The following NEGR1 variants were observed in gnomAD, a reference collection of about 807,000 sequenced individuals.
NEGR1 encodes the protein neuronal growth regulator 1.
In NEGR1, 10 loss-of-function variants were observed where a neutral mutation model predicts 40.9. The ratio of observed to expected loss-of-function variants is 0.24; its 90% confidence interval spans 0.15 to 0.42. The LOEUF is 0.42. NEGR1 is among the 10% of genes least tolerant of loss of function. The pLI is 1.00. For missense variants in NEGR1, 352 were observed against 438.9 expected (o/e 0.80, Z 1.77); for synonymous variants, 185 against 166.8 (o/e 1.11, Z -0.84).
At chr1:71,640,568 A>G (rs1651315753) in intron 4 of NEGR1, among the ~76,000 whole-genome samples, 1 of 152,038 alleles carries the variant, frequency 6.6e-6, no homozygotes, top group Admixed American at 6.6e-5. Flanking sequence ...GTGCTCACAA[A>G]TCTAAATCTC....
In NEGR1 at chr1:72,171,214, A is replaced by C. The variant is rs569361020; in HGVS notation, c.176+111105T>G. On this transcript the variant is annotated intron_variant, in intron 1 of 6. Coordinates refer to ENST00000357731, the MANE Select transcript of NEGR1 (RefSeq NM_173808.3). ...GGAAGAATCAAAAATTAAAAGAACA[A>C]ACAGCCATCCAATACAAACAATCTA... Among the ~76,000 whole-genome samples the C allele has an allele frequency of 2.0e-5, 3 of 152,280 alleles. No homozygotes were observed. In the South Asian group the frequency reaches 6.2e-4, roughly 32 times the overall value.
intron 3 of NEGR1, among the ~76,000 whole-genome samples, chr1:71,718,599 AT>A (rs985721412): frequency 2.6e-5 from 4 of 152,150 alleles, no homozygotes; most frequent in Admixed American, 2.6e-4. Flanking sequence ...TATTGATTTC[AT>A]TTTTTTAACA....
chr1:71,945,518 G>A (rs1348705283), intron 1 of NEGR1, among the ~76,000 whole-genome samples: 1 of 152,084 alleles, frequency 6.6e-6, no homozygotes, highest in Non-Finnish European at 1.5e-5. Flanking sequence ...CACAGAGCTG[G>A]TTCACAGAAC....
chr1:72,059,956 C>T (rs1647150786), intron 1 of NEGR1, among the ~76,000 whole-genome samples: 1 of 151,538 alleles, frequency 6.6e-6, no homozygotes, highest in African/African-American at 2.4e-5. Context: ...ACCAAATGCC[C>T]CTCCATGACA....
At chr1:71,933,493 A>G (rs1645874471) in intron 2 of NEGR1, among the ~76,000 whole-genome samples, 1 of 152,072 alleles carries the variant, frequency 6.6e-6, no homozygotes, top group South Asian at 2.1e-4. Context: ...CTTTTTTCAC[A>G]TAATGAAAAT....
chr1:71,805,099 G>A (rs1395317882), intron 2 of NEGR1, among the ~76,000 whole-genome samples: 3 of 152,082 alleles, frequency 2.0e-5, no homozygotes, highest in African/African-American at 7.2e-5. Flanking sequence ...AGGCTTATTA[G>A]GATGAGGAAA....
At chr1:71,787,940 G>T (rs1477263530) in intron 2 of NEGR1, among the ~76,000 whole-genome samples, 4 of 152,044 alleles carry the variant, frequency 2.6e-5, no homozygotes, top group African/African-American at 9.7e-5. Flanking sequence ...CTAATGTGTG[G>T]TTTCTCACCT....
chr1:71,663,908 C>T (rs1168570835), intron 4 of NEGR1, among the ~76,000 whole-genome samples: 1 of 152,152 alleles, frequency 6.6e-6, no homozygotes, highest in Non-Finnish European at 1.5e-5. Context: ...GTAGCTGTCT[C>T]TATTGAGAGT....
At chr1:72,112,412 T>C (rs1045785149) in intron 1 of NEGR1, among the ~76,000 whole-genome samples, 2 of 151,918 alleles carry the variant, frequency 1.3e-5, no homozygotes, top group Non-Finnish European at 2.9e-5. Context: ...CCATAATATA[T>C]CCATTGTTTT....
intron 1 of NEGR1, among the ~76,000 whole-genome samples, chr1:72,274,315 G>A (rs1234152366): frequency 6.6e-6 from 1 of 151,952 alleles, no homozygotes; most frequent in Non-Finnish European, 1.5e-5. Context: ...GGCTATTTGG[G>A]CCCTGCCATA....
intron 6 of NEGR1, among the ~76,000 whole-genome samples, chr1:71,550,697 TC>T (rs1264431212): frequency 6.6e-6 from 1 of 151,592 alleles, no homozygotes; most frequent in Non-Finnish European, 1.5e-5. Flanking sequence ...ACATCCACAT[TC>T]TGTTCCTTAT....
At chr1:71,578,910 A>G (rs1649043033) in intron 6 of NEGR1, among the ~76,000 whole-genome samples, 1 of 152,158 alleles carries the variant, frequency 6.6e-6, no homozygotes, top group South Asian at 2.1e-4. Context: ...AGGAGAAGAT[A>G]AATAAGTACA....
At chr1:71,826,631 T>C (rs1384383094) in intron 2 of NEGR1, among the ~76,000 whole-genome samples, 1 of 151,896 alleles carries the variant, frequency 6.6e-6, no homozygotes, top group Non-Finnish European at 1.5e-5. Flanking sequence ...TCTTCCCCTT[T>C]TTTTCTGTGT....
At chr1:71,417,337 C>T (rs1646362986) in intron 6 of NEGR1, among the ~76,000 whole-genome samples, 1 of 151,754 alleles carries the variant, frequency 6.6e-6, no homozygotes, top group Admixed American at 6.6e-5. Flanking sequence ...GTTTAAATTT[C>T]TGCATTGGGA....
intron 2 of NEGR1, among the ~76,000 whole-genome samples, chr1:71,779,988 G>A (rs1394198682): frequency 7.4e-6 from 1 of 135,442 alleles, no homozygotes; most frequent in Non-Finnish European, 1.5e-5. Flanking sequence ...GTATAGAGAA[G>A]GGTTTTGGAT....
rs905346236 is a variant in NEGR1 at position 71,401,533 on chromosome 1, T to A, written c.*5913A>T. 3 of 152,222 alleles carry A rather than the reference T, an allele frequency of 2.0e-5. No individual in the cohort carries two copies. Among genetic ancestry groups the A allele is most frequent in the Admixed American group, 6.5e-5 (1 of 15,286 alleles). 9.4% of individuals were successfully genotyped at this position (152,222 alleles called of 1,614,324 possible). A position where few individuals can be genotyped will look rare whatever the true frequency, so the allele number is the denominator to read the frequency against. The stretch of plus-strand genomic sequence containing the variant: ...GTACAAATGTATTTCTTAGGTTGCA[T>A]ATCATTTAATTTCTAGAATTAGAAT... On this transcript the variant is annotated 3_prime_UTR_variant, in exon 7 of 7. Transcript: ENST00000357731.
chr1:71,462,176 T>C lies in NEGR1; in HGVS notation c.941-54606A>G, dbSNP rs151253022. On this transcript the variant is annotated intron_variant, in intron 6 of 6. Coordinates refer to ENST00000357731, the MANE Select transcript of NEGR1 (RefSeq NM_173808.3). Reference sequence around the variant, plus strand: ...TATAAGTAAAATCAATGATGGAATCTAATGCACTGAGGGGGAAATAGTGTG... The same window carrying C: ...TATAAGTAAAATCAATGATGGAATCCAATGCACTGAGGGGGAAATAGTGTG... Among the ~76,000 whole-genome samples, 1,340 of 152,286 alleles carry C rather than the reference T, an allele frequency of 8.8e-3. 9 individuals are homozygous for C. The highest frequency in any genetic ancestry group is 0.016 in the Admixed American group (245 of 15,284).
chr1:71,749,934 T>C (rs2101686166), intron 3 of NEGR1, among the ~76,000 whole-genome samples: 1 of 152,182 alleles, frequency 6.6e-6, no homozygotes, highest in East Asian at 1.9e-4. Flanking sequence ...CATATAAAAA[T>C]GCCTCACAAA....
At chr1:71,522,922 C>T (rs1647170841) in intron 6 of NEGR1, among the ~76,000 whole-genome samples, 1 of 151,884 alleles carries the variant, frequency 6.6e-6, no homozygotes, top group Non-Finnish European at 1.5e-5. Context: ...GATTGCCTGG[C>T]TGCATGATCA....
Sources: gnomAD v4.1 joint callset for allele counts (sites outside exome capture counted in the v4.1 genomes callset) on GRCh38, gnomAD v4.1.1 for gene constraint, MANE v1.5 for transcripts, NCBI Gene and HGNC (gene_info 2026-07-23, HGNC 2026-07-21) for gene names.